The following MCTP2 variants were observed in gnomAD, a reference collection of about 807,000 sequenced individuals.
MCTP2 encodes multiple C2 and transmembrane domain-containing protein 2.
Under a neutral mutation model 111.6 loss-of-function variants are expected in MCTP2, and 132 were observed. The observed-to-expected ratio is 1.18, with a 90% CI of 1.03 to 1.37. The LOEUF (loss-of-function observed/expected upper bound fraction) is 1.37. Among genes scored for constraint, MCTP2 ranks in the 40% most tolerant of loss-of-function variants. The pLI is 0.00. For synonymous variants in MCTP2, 395 were observed against 387.7 expected (o/e 1.02, Z -0.22); for missense variants, 1,183 against 1,067.9 (o/e 1.11, Z -1.50).
chr15:94,342,366 G>A (rs1016795430), intron 7 of MCTP2: 15 of 152,032 alleles, frequency 9.9e-5, no homozygotes, highest in African/African-American at 3.6e-4. Flanking sequence ...TTTTGTAAAA[G>A]ATCTCAAAGA....
chr15:94,306,997 C>T (rs1265687883), intron 2 of MCTP2, among the ~76,000 whole-genome samples: 2 of 152,028 alleles, frequency 1.3e-5, no homozygotes, highest in Non-Finnish European at 2.9e-5. Context: ...TCTCGAAAGT[C>T]GTACCTCAAT....
At chr15:94,272,899 T>A (rs2073985436) in intron 1 of MCTP2, among the ~76,000 whole-genome samples, 1 of 152,216 alleles carries the variant, frequency 6.6e-6, no homozygotes, top group South Asian at 2.1e-4. Context: ...GTCATCTGAA[T>A]TGCCAATCTC....
intron 14 of MCTP2, among the ~76,000 whole-genome samples, chr15:94,394,819 T>C (rs1379214282): frequency 2.6e-5 from 4 of 152,202 alleles, no homozygotes; most frequent in Admixed American, 1.3e-4. Flanking sequence ...TTAAACACTT[T>C]TTATAAATTG....
intron 4 of MCTP2, among the ~76,000 whole-genome samples, chr15:94,339,085 C>G (rs1210260964): frequency 6.6e-6 from 1 of 152,110 alleles, no homozygotes; most frequent in Admixed American, 6.5e-5. Flanking sequence ...CTCAAAGAGC[C>G]CATTTATATT....
At chr15:94,256,335 A>G (rs1217483511) in intron 1 of MCTP2, among the ~76,000 whole-genome samples, 1 of 152,210 alleles carries the variant, frequency 6.6e-6, no homozygotes, top group Non-Finnish European at 1.5e-5. Context: ...AAAATCTACA[A>G]AAATCTGAAA....
chr15:94,471,348 C>T (rs552805561), intron 21 of MCTP2, among the ~76,000 whole-genome samples: 12 of 152,286 alleles, frequency 7.9e-5, no homozygotes, highest in South Asian at 4.1e-4. Flanking sequence ...TGTGTTGAGA[C>T]GCATTCATCC....
chr15:94,370,680 G>A (rs2079436764), intron 12 of MCTP2, among the ~76,000 whole-genome samples: 1 of 152,096 alleles, frequency 6.6e-6, no homozygotes, highest in Non-Finnish European at 1.5e-5. Context: ...TTCTCTTGGT[G>A]CTTCTGTAAC....
chr15:94,273,560 C>T (rs557138261), intron 1 of MCTP2: 47 of 200,472 alleles, frequency 2.3e-4, no homozygotes, highest in Middle Eastern at 1.0e-3. Context: ...TTCAATGCCC[C>T]CTCGCAGGTA....
At position 94,483,319 on chromosome 15, in the gene MCTP2, G is replaced by C. The variant is rs1237632498; in HGVS notation, c.*4285G>C. 6.6e-6 allele frequency: 1 copy of C among 152,170 alleles called. No homozygotes were observed. Among genetic ancestry groups the C allele is most frequent in the East Asian group, 1.9e-4 (1 of 5,198 alleles). The allele number at this position is 152,170 out of a possible 1,614,324, so 9.4% of individuals were successfully genotyped here. On this transcript the variant is annotated 3_prime_UTR_variant, in exon 23 of 23. Transcript: ENST00000357742. ...GTGTTTCCTCAAAAACCTAAAGACA[G>C]AAATACCATTTGACCCAGCAATCCC...
intron 4 of MCTP2, among the ~76,000 whole-genome samples, chr15:94,324,129 G>A (rs1472433167): frequency 2.6e-5 from 4 of 152,168 alleles, no homozygotes; most frequent in Non-Finnish European, 5.9e-5. Context: ...ACTGAACCCT[G>A]GGTCCATTTC....
intron 10 of MCTP2, among the ~76,000 whole-genome samples, chr15:94,366,936 G>A (rs979773490): frequency 5.9e-5 from 9 of 152,168 alleles, no homozygotes; most frequent in African/African-American, 7.2e-5. Context: ...GTTAAGAGGC[G>A]GAAAACATGC....
chr15:94,263,863 A>G (rs1226076369), intron 1 of MCTP2, among the ~76,000 whole-genome samples: 1 of 152,230 alleles, frequency 6.6e-6, no homozygotes, highest in Non-Finnish European at 1.5e-5. Flanking sequence ...CCAGTTCACA[A>G]ATGAGAATCA....
intron 1 of MCTP2, among the ~76,000 whole-genome samples, chr15:94,241,756 C>T (rs774558513): frequency 6.6e-6 from 1 of 151,226 alleles, no homozygotes; most frequent in Non-Finnish European, 1.5e-5. Context: ...CCTCTAGGCA[C>T]AATTACAGTT....
chr15:94,463,050 C>T (rs1302935768), intron 20 of MCTP2, among the ~76,000 whole-genome samples: 1 of 152,152 alleles, frequency 6.6e-6, no homozygotes, highest in Non-Finnish European at 1.5e-5. Context: ...TGACCTGGCT[C>T]TTAGAAGGCA....
At chr15:94,364,674 A>C (rs1351442612) in intron 10 of MCTP2, among the ~76,000 whole-genome samples, 1 of 152,180 alleles carries the variant, frequency 6.6e-6, no homozygotes, top group African/African-American at 2.4e-5. Flanking sequence ...GGTTGGATGA[A>C]TATTTTGGTT....
chr15:94,302,780 T>C (rs898243211), intron 2 of MCTP2, among the ~76,000 whole-genome samples: 1 of 152,238 alleles, frequency 6.6e-6, no homozygotes, highest in Non-Finnish European at 1.5e-5. Flanking sequence ...CTTTTCATGT[T>C]TGTGGGGTCT....
chr15:94,345,889 G>C (rs11852403), intron 8 of MCTP2, among the ~76,000 whole-genome samples: 3 of 151,856 alleles, frequency 2.0e-5, no homozygotes, highest in Non-Finnish European at 2.9e-5. Context: ...AAATGATGCA[G>C]TATTTGAGAC....
Position 94,243,443 on chromosome 15 carries a change from ACGTATGCGTACATG to A in MCTP2, c.-66+11790_-66+11803del, listed in dbSNP as rs1216196912. On this transcript the variant is annotated intron_variant, in intron 1 of 22. Transcript: ENST00000357742. ...TGCGTATATGCGTATGTACATACAT[ACGTATGCGTACATG>A]CGTATGCGTATATGCGTATGTACAC... Among the ~76,000 whole-genome samples the A allele has an allele frequency of 1.3e-4, 14 of 109,236 alleles. 1 individual carries two copies. The highest frequency in any genetic ancestry group is 2.7e-4 in the African/African-American group (8 of 29,252). 71.7% of individuals were successfully genotyped at this position (109,236 alleles called of 152,430 possible).
intron 1 of MCTP2, among the ~76,000 whole-genome samples, chr15:94,232,627 G>C (rs2070265456): frequency 6.6e-6 from 1 of 152,208 alleles, no homozygotes. Context: ...CTGGTGTGCT[G>C]TTGGGTAGCA....
Sources: allele counts gnomAD v4.1 joint callset (sites outside exome capture counted in the v4.1 genomes callset), GRCh38; gene constraint gnomAD v4.1.1; transcripts MANE v1.5; gene names NCBI Gene and HGNC (gene_info 2026-07-23, HGNC 2026-07-21).